Variants in CPT1B observed in about 807,000 individuals in gnomAD.
The protein encoded by CPT1B is carnitine O-palmitoyltransferase 1, muscle isoform.
Under a neutral mutation model 92.7 loss-of-function variants are expected in CPT1B, and 57 were observed. That is an observed-to-expected ratio of 0.62 (90% CI 0.50 to 0.77). The LOEUF is 0.77. CPT1B is among the 30% of genes least tolerant of loss of function. The pLI is 0.00. For synonymous variants in CPT1B, 398 were observed against 383.5 expected (o/e 1.04, Z -0.44); for missense variants, 983 against 1,017.4 (o/e 0.97, Z 0.46).
chr22:50,577,380 G>A lies in CPT1B; in HGVS notation c.225C>T (p.Cys75=), dbSNP rs777310169. ...CCAGCCCCAAGGAGATGTCCACGTT[G>A]CAGAAGGAGGAACCCACTGTTGCCA... is the stretch of plus-strand genomic sequence containing the variant. ...VIMATVGSSF[C]NVDISLGLVS... The change falls in exon 3 of 20, where the codon TGC becomes TGT. Residue 75 remains cysteine, a synonymous_variant. Coordinates refer to ENST00000312108, the MANE Select transcript of CPT1B (RefSeq NM_152246.3). 3 of 1,613,990 alleles carry A rather than the reference G, an allele frequency of 1.9e-6. No individual in the cohort carries two copies. The highest frequency in any genetic ancestry group is 1.7e-6 in the Non-Finnish European group (2 of 1,180,008).
rs17848464 is a variant in CPT1B at position 50,572,174 on chromosome 22, C to A, written c.1458+29G>T. 4.4e-5 allele frequency: 71 copies of A among 1,611,652 alleles called. No homozygotes were observed. In the East Asian group the frequency reaches 1.6e-3, roughly 36 times the overall value. On this transcript the variant is annotated intron_variant, in intron 12 of 19. Coordinates refer to ENST00000312108, the MANE Select transcript of CPT1B (RefSeq NM_152246.3). ...GCTGGCCTCATCCCCTACAGCCTGC[C>A]CTGCAGGTTCCCTCTGCAAGGCTAT...
intron 5 of CPT1B, 68 bp from the exon 6 acceptor site, chr22:50,576,403 C>T: frequency 6.2e-7 from 1 of 1,609,204 alleles, no homozygotes; most frequent in Non-Finnish European, 8.5e-7. Context: ...ATCCTCTTCC[C>T]ACCTCTCCCT....
Position 50,578,034 on chromosome 22 carries a change from C to G in CPT1B, c.-19-100G>C, listed in dbSNP as rs982744399. On this transcript the variant is annotated intron_variant, in intron 1 of 19. Transcript: ENST00000312108. ...CCAGTCCGCGACCCCTCGCGCCCCC[C>G]ACCCCGCGACTAGCGGCTGCCCCCG... is the stretch of plus-strand genomic sequence containing the variant. 17 of 746,494 alleles carry G rather than the reference C, an allele frequency of 2.3e-5. No homozygotes were observed. The East Asian group carries it at 4.6e-4, about 20-fold the overall frequency. The allele number at this position is 746,494 out of a possible 1,614,324, so 46.2% of individuals were successfully genotyped here.
chr22:50,573,228 G>A lies in CPT1B; in HGVS notation c.1167-168C>T. ...GGGGTGCCAGGCTGGGCCTGGAGGT[G>A]TTGGGGTGCGTGCCAGGCTGCGCCT... On this transcript the variant is annotated intron_variant, in intron 10 of 19. Coordinates refer to ENST00000312108, the MANE Select transcript of CPT1B (RefSeq NM_152246.3). The surrounding 1 kb of genome is among the most constrained non-coding windows in gnomAD (Gnocchi z 5.0). The A allele has an allele frequency of 1.6e-6, 1 of 635,352 alleles. No individual in the cohort carries two copies. Among genetic ancestry groups the A allele is most frequent in the Non-Finnish European group, 2.7e-6 (1 of 374,914 alleles). 39.4% of individuals were successfully genotyped at this position (635,352 alleles called of 1,614,324 possible). A position where few individuals can be genotyped will look rare whatever the true frequency, so the allele number is the denominator to read the frequency against.
Position 50,569,339 on chromosome 22 carries a change from C to CA in CPT1B, c.2317dup (p.Ter773LeufsTer31). 6.2e-7 allele frequency: 1 copy of CA among 1,613,994 alleles called. No individual in the cohort carries two copies. Among genetic ancestry groups the CA allele is most frequent in the Non-Finnish European group, 8.5e-7 (1 of 1,179,948 alleles). On this transcript the variant is annotated frameshift_variant and stop_lost, in exon 19 of 20. Coordinates refer to ENST00000312108, the MANE Select transcript of CPT1B (RefSeq NM_152246.3). LOFTEE classifies it high-confidence loss of function. ...GGGCAGCTGGCATTTCTCCAACCTTCAGCTGTAGGCCTTGGGAACTTGGAA... is the reference window on the plus strand; with the variant it reads ...GGGCAGCTGGCATTTCTCCAACCTTCAAGCTGTAGGCCTTGGGAACTTGGAA...
At position 50,569,038 on chromosome 22, in the gene CPT1B, G is replaced by A. The variant is rs763358544; in HGVS notation, c.*46C>T. ...CCTCTGTGGTCTGAGCTGGGGGAGG[G>A]GGAGGGCCTCCGAGTTCCCAAACAA... On this transcript the variant is annotated 3_prime_UTR_variant, in exon 20 of 20. Coordinates refer to ENST00000312108, the MANE Select transcript of CPT1B (RefSeq NM_152246.3). The A allele has an allele frequency of 9.7e-6, 3 of 309,596 alleles. No individual in the cohort carries two copies. Among genetic ancestry groups the A allele is most frequent in the South Asian group, 4.0e-5 (1 of 24,888 alleles). The allele number at this position is 309,596 out of a possible 1,614,324, so 19.2% of individuals were successfully genotyped here.
At chr22:50,570,551 T>G (rs983399490) in intron 16 of CPT1B, 145 bp from the exon 17 acceptor site, 38 of 664,538 alleles carry the variant, frequency 5.7e-5, no homozygotes, top group Non-Finnish European at 9.1e-5. Flanking sequence ...CCCCTGTGCA[T>G]CATGCCACAT....
intron 16 of CPT1B, 22 bp downstream of exon 16, chr22:50,570,869 C>T: frequency 6.2e-7 from 1 of 1,609,542 alleles, no homozygotes; most frequent in Non-Finnish European, 8.5e-7. Context: ...GGACAAAGGA[C>T]ACACCCAACA....
rs1408606241 is a variant in CPT1B at position 50,573,008 on chromosome 22, C to G, written c.1219G>C (p.Ala407Pro). The change falls in exon 11 of 20, where the codon GCT becomes CCT. Residue 407 changes from alanine to proline, a missense_variant. Ala to Pro is a conservative substitution (Grantham distance 27). Coordinates refer to ENST00000312108, the MANE Select transcript of CPT1B (RefSeq NM_152246.3). The surrounding 1 kb of genome is among the most constrained non-coding windows in gnomAD (Gnocchi z 5.0). ...QAFFSSGKNK[A>P]ALEAIERAAF... is the part of the protein sequence containing the mutation. ...GCACGCTCGATGGCCTCCAAGGCAG[C>G]CTTATTCTTTCCAGAGCTAAAGAAG... is the stretch of plus-strand genomic sequence containing the variant. 1 of 1,612,546 alleles carries G rather than the reference C, an allele frequency of 6.2e-7. No individual in the cohort carries two copies.
At chr22:50,577,729 G>T in intron 2 of CPT1B, 46 bp downstream of exon 2, 1 of 1,601,750 alleles carries the variant, frequency 6.2e-7, no homozygotes, top group Non-Finnish European at 8.5e-7. Flanking sequence ...CTTAACAGCT[G>T]ACAGCCGGCC....
At chr22:50,572,374 C>G in intron 11 of CPT1B, 66 bp from the exon 12 acceptor site, 1 of 1,007,272 alleles carries the variant, frequency 9.9e-7, no homozygotes, top group Non-Finnish European at 1.6e-6. Flanking sequence ...GACCTGCAAC[C>G]CCAACCTTTA....
Position 50,573,505 on chromosome 22 carries a change from C to T in CPT1B, c.1166+15G>A. 1.9e-6 allele frequency: 3 copies of T among 1,593,126 alleles called. No homozygotes were observed. The highest frequency in any genetic ancestry group is 2.7e-5 in the African/African-American group (2 of 74,678). On this transcript the variant is annotated intron_variant, in intron 10 of 19. Transcript: ENST00000312108. This position sits in a 1 kb window ranked among gnomAD's most constrained non-coding sequence, Gnocchi z 5.0. The stretch of plus-strand genomic sequence containing the variant: ...GAACTCAGGGTGGGGACAGTCCCTT[C>T]CTAGAGGCCAATACCTTCCTCCTGC...
chr22:50,574,000 G>A lies in CPT1B; in HGVS notation c.971-285C>T. Reference sequence around the variant, plus strand: ...GCCTAAGGATACAGTGTCAGAAGCAGGGAAGGCTGCTGCCTCTGCCAGACC... The same window carrying A: ...GCCTAAGGATACAGTGTCAGAAGCAAGGAAGGCTGCTGCCTCTGCCAGACC... On this transcript the variant is annotated intron_variant, in intron 9 of 19. Transcript: ENST00000312108. This position sits in a 1 kb window ranked among gnomAD's most constrained non-coding sequence, Gnocchi z 5.0. 1.4e-6 allele frequency: 1 copy of A among 700,094 alleles called. No individual in the cohort carries two copies. The highest frequency in any genetic ancestry group is 2.7e-6 in the Non-Finnish European group (1 of 375,372). The allele number at this position is 700,094 out of a possible 1,614,324, so 43.4% of individuals were successfully genotyped here.
Position 50,570,318 on chromosome 22 carries a change from A to C in CPT1B, c.2117T>G (p.Leu706Arg), listed in dbSNP as rs1037432127. Residue 706 changes from leucine to arginine, a missense_variant, in exon 17 of 20, where the codon CTG (leucine) becomes CGG (arginine). Leu to Arg is a moderately radical substitution (Grantham distance 102). Coordinates refer to ENST00000312108, the MANE Select transcript of CPT1B (RefSeq NM_152246.3). ...AGGGCCAAAGCCACCTCCAGCGCCC[A>C]GGTGATTGGGGTGCTGCTCTGGGTC... ...MFDPEQHPNH[L>R]GAGGGFGPVA... is the part of the protein sequence containing the mutation. The C allele has an allele frequency of 1.9e-6, 3 of 1,595,122 alleles. No homozygotes were observed. Among genetic ancestry groups the C allele is most frequent in the Non-Finnish European group, 2.6e-6 (3 of 1,168,094 alleles).
intron 19 of CPT1B, 63 bp downstream of exon 19, chr22:50,569,273 G>T: frequency 6.5e-7 from 1 of 1,544,610 alleles, no homozygotes; most frequent in Non-Finnish European, 8.9e-7. Context: ...TCATGCCTGT[G>T]AGCTGCCACA....
Position 50,574,483 on chromosome 22 carries a change from C to G in CPT1B, c.885+10G>C. On this transcript the variant is annotated intron_variant, in intron 8 of 19. Transcript: ENST00000312108. ...CCTCCCATCCCACCTTCAACCCTGA[C>G]GCAACTCACAGGCTTGATTTCTTCA... 1 of 1,613,970 alleles carries G rather than the reference C, an allele frequency of 6.2e-7. No individual in the cohort carries two copies.
intron 3 of CPT1B, 140 bp downstream of exon 3, chr22:50,577,184 A>G: frequency 7.2e-7 from 1 of 1,381,272 alleles, no homozygotes; most frequent in South Asian, 1.3e-5. Flanking sequence ...GGGCTAAGAC[A>G]ATGGTTGTCA....
chr22:50,576,695 C>G, intron 4 of CPT1B, 58 bp from the exon 5 acceptor site: 1 of 1,578,578 alleles, frequency 6.3e-7, no homozygotes, highest in Non-Finnish European at 8.7e-7. Context: ...GGAAACCAAC[C>G]AGCAACTCCC....
Position 50,569,367 on chromosome 22 carries a change from G to T in CPT1B, c.2290C>A (p.Leu764Ile), listed in dbSNP as rs1024493369. ...IRKALLDIAD[L>I]FQVPKAYS The stretch of plus-strand genomic sequence containing the variant: ...CTGTAGGCCTTGGGAACTTGGAAAA[G>T]ATCAGCAATGTCCAGCAGGGCTTTG... Residue 764 changes from leucine (L) to isoleucine (I), a missense_variant, in exon 19 of 20, where the codon CTT (leucine) becomes ATT (isoleucine). By Grantham distance (5) the Leu-to-Ile change is conservative. Transcript: ENST00000312108. 1 of 1,614,156 alleles carries T rather than the reference G, an allele frequency of 6.2e-7. No individual in the cohort carries two copies. The highest frequency in any genetic ancestry group is 1.1e-5 in the South Asian group (1 of 91,080).
Sources: gnomAD v4.1 joint callset for allele counts on GRCh38, gnomAD v4.1.1 for gene constraint, Gnocchi (gnomAD v3.1) non-coding constraint, MANE v1.5 for transcripts, NCBI Gene and HGNC (gene_info 2026-07-23, HGNC 2026-07-21) for gene names.